The following MBNL1 variants were observed in gnomAD, a reference collection of about 807,000 sequenced individuals.
MBNL1 encodes muscleblind like splicing regulator 1, also known as muscleblind-like protein 1.
In MBNL1, 8 loss-of-function variants were observed where a neutral mutation model predicts 42.2. The ratio of observed to expected loss-of-function variants is 0.19; its 90% CI spans 0.11 to 0.34. The LOEUF is 0.34. Ranked by LOEUF, MBNL1 falls within the 10% of genes least tolerant of loss-of-function variation. The pLI is 1.00. For synonymous variants in MBNL1, 169 were observed against 173.9 expected, an observed-to-expected ratio of 0.97 and a Z score of 0.22; for missense variants, 309 against 495.3, an observed-to-expected ratio of 0.62 and a Z score of 3.57.
chr3:152,255,152 G>T (rs1276102536), intron 2 of MBNL1, among the ~76,000 whole-genome samples: 1 of 152,074 alleles, frequency 6.6e-6, no homozygotes, highest in Non-Finnish European at 1.5e-5. Flanking sequence ...AAAATAGAAG[G>T]TGCCACATGA....
chr3:152,359,848 CCT>C (rs1225871552), intron 2 of MBNL1, among the ~76,000 whole-genome samples: 2 of 152,042 alleles, frequency 1.3e-5, no homozygotes, highest in East Asian at 3.9e-4. Context: ...GTAAATCATC[CCT>C]GTTTTATGGT....
At chr3:152,324,111 G>A (rs191407953) in intron 2 of MBNL1, among the ~76,000 whole-genome samples, 3 of 152,184 alleles carry the variant, frequency 2.0e-5, no homozygotes, top group Admixed American at 2.0e-4. Flanking sequence ...GGGAGAAATC[G>A]TTTAGCAGGA....
At chr3:152,429,792 T>TTG (rs375863735) in intron 3 of MBNL1, among the ~76,000 whole-genome samples, 3,104 of 149,678 alleles carry the variant, frequency 0.021, 65 homozygotes, top group African/African-American at 0.058. Context: ...TGGTGTGTGT[T>TTG]TGTGTGTGTG....
rs143535149 is a variant in MBNL1, at chr3:152,318,347, T to G, written c.174+17980T>G. ...TAAAACGGATACTGCTTACTATATT[T>G]GCAATGTCTTGAAACTCAACAAGAA... On this transcript the variant is annotated intron_variant, in intron 2 of 9. Coordinates refer to ENST00000324210, the MANE Select transcript of MBNL1 (RefSeq NM_021038.5). 4.2e-3 allele frequency among the ~76,000 whole-genome samples: 633 copies of G among 152,312 alleles called. 6 individuals are homozygous for G. The highest frequency in any genetic ancestry group is 0.014 in the African/African-American group (584 of 41,570).
chr3:152,253,968 A>G (rs2035067749), intron 2 of MBNL1, among the ~76,000 whole-genome samples: 1 of 152,002 alleles, frequency 6.6e-6, no homozygotes. Context: ...CTTTCACTAG[A>G]CTGTAAGTTC....
chr3:152,292,943 A>T (rs1057343474), intron 1 of MBNL1, among the ~76,000 whole-genome samples: 3 of 151,612 alleles, frequency 2.0e-5, no homozygotes, highest in Non-Finnish European at 4.4e-5. Flanking sequence ...TAATTTTTGT[A>T]TTTTTTGTAG....
intron 2 of MBNL1, among the ~76,000 whole-genome samples, chr3:152,384,180 T>C (rs2097307801): frequency 6.6e-6 from 1 of 152,112 alleles, no homozygotes; most frequent in Non-Finnish European, 1.5e-5. Context: ...TTGGGAAGGG[T>C]GATCCATGGA....
intron 1 of MBNL1, among the ~76,000 whole-genome samples, chr3:152,293,615 T>G: frequency 6.6e-6 from 1 of 152,196 alleles, no homozygotes; most frequent in South Asian, 2.1e-4. Flanking sequence ...TTCAGTTAGA[T>G]TGAAACTATC....
intron 2 of MBNL1, among the ~76,000 whole-genome samples, chr3:152,326,643 G>T (rs2080333420): frequency 1.3e-5 from 2 of 151,284 alleles, no homozygotes; most frequent in African/African-American, 4.9e-5. Context: ...GTTTATATCA[G>T]AAAAAGGGAA....
At chr3:152,311,242 C>T (rs1189571044) in intron 2 of MBNL1, among the ~76,000 whole-genome samples, 5 of 151,972 alleles carry the variant, frequency 3.3e-5, no homozygotes, top group South Asian at 2.1e-4. Context: ...CTCCTGACCT[C>T]GTGATCCGTC....
chr3:152,252,214 T>G (rs2034725432), intron 2 of MBNL1, among the ~76,000 whole-genome samples: 1 of 142,600 alleles, frequency 7.0e-6, no homozygotes, highest in African/African-American at 2.6e-5. Flanking sequence ...CTTCCTTCCC[T>G]CCTTCCTTCC....
At chr3:152,422,359 A>G (rs1427744264) in intron 3 of MBNL1, among the ~76,000 whole-genome samples, 1 of 152,018 alleles carries the variant, frequency 6.6e-6, no homozygotes, top group Non-Finnish European at 1.5e-5. Flanking sequence ...AAAGAAGGGC[A>G]TTACATAATG....
intron 2 of MBNL1, among the ~76,000 whole-genome samples, chr3:152,333,710 T>C (rs2087055941): frequency 6.6e-6 from 1 of 152,242 alleles, no homozygotes; most frequent in Non-Finnish European, 1.5e-5. Flanking sequence ...GTAAAGAACT[T>C]GTGGAATTTC....
At chr3:152,250,041 G>C (rs1283313266) in intron 2 of MBNL1, among the ~76,000 whole-genome samples, 1 of 151,576 alleles carries the variant, frequency 6.6e-6, no homozygotes, top group African/African-American at 2.4e-5. Flanking sequence ...ATAGTTTGAA[G>C]TCAGGTAGTG....
In MBNL1 at chr3:152,352,385, A is replaced by G. The variant is rs560166698; in HGVS notation, c.174+52018A>G. Among the ~76,000 whole-genome samples the G allele has an allele frequency of 7.5e-4, 115 of 152,328 alleles. 1 individual carries two copies. Among genetic ancestry groups the G allele is most frequent in the African/African-American group, 2.6e-3 (110 of 41,568 alleles). On this transcript the variant is annotated intron_variant, in intron 2 of 9. Transcript: ENST00000324210. Reference sequence around the variant, plus strand: ...GAGAGTCCCAGGAAAGCATGAGAACATCATTTAACTACACTAGAATTGTAA... The same window carrying G: ...GAGAGTCCCAGGAAAGCATGAGAACGTCATTTAACTACACTAGAATTGTAA...
rs1051135262 is a variant in MBNL1, at chr3:152,462,971, G to C, written c.*605G>C. 1 of 152,436 alleles carries C rather than the reference G, an allele frequency of 6.6e-6. No homozygotes were observed. Among genetic ancestry groups the C allele is most frequent in the African/African-American group, 2.4e-5 (1 of 41,402 alleles). 9.4% of individuals were successfully genotyped at this position (152,436 alleles called of 1,614,324 possible). On this transcript the variant is annotated 3_prime_UTR_variant, in exon 10 of 10. Coordinates refer to ENST00000324210, the MANE Select transcript of MBNL1 (RefSeq NM_021038.5). Reference sequence around the variant, plus strand: ...GAATGTGCCAAGCAAAACCACAACTGTGTATATTTTAAAGCACATCATGGC... The same window carrying C: ...GAATGTGCCAAGCAAAACCACAACTCTGTATATTTTAAAGCACATCATGGC...
chr3:152,458,293 G>C, intron 8 of MBNL1: 1 of 1,011,518 alleles, frequency 9.9e-7, no homozygotes, highest in Non-Finnish European at 1.5e-6. Flanking sequence ...AATAAAACAG[G>C]GACATATTAA....
chr3:152,446,433 T>C (rs1414726224), intron 5 of MBNL1, among the ~76,000 whole-genome samples: 2 of 149,570 alleles, frequency 1.3e-5, no homozygotes, highest in Admixed American at 1.3e-4. Flanking sequence ...CCTTTCACTC[T>C]TTTTTTTTTC....
intron 2 of MBNL1, among the ~76,000 whole-genome samples, chr3:152,305,341 A>G (rs1221462735): frequency 6.6e-6 from 1 of 152,088 alleles, no homozygotes; most frequent in African/African-American, 2.4e-5. Flanking sequence ...TTATCTTGTC[A>G]TTTTCCTTGC....
Sources: allele counts gnomAD v4.1 joint callset (sites outside exome capture counted in the v4.1 genomes callset), GRCh38; gene constraint gnomAD v4.1.1; transcripts MANE v1.5; gene names NCBI Gene and HGNC (gene_info 2026-07-23, HGNC 2026-07-21).